The following CTTNBP2 variants were observed in gnomAD, a reference collection of about 807,000 sequenced individuals.
CTTNBP2 encodes the protein cortactin binding protein 2, also known as cortactin-binding protein 2.
Under a neutral mutation model 156.9 loss-of-function variants are expected in CTTNBP2, and 108 were observed. The ratio of observed to expected loss-of-function variants is 0.69; its 90% CI spans 0.59 to 0.81. The LOEUF (loss-of-function observed/expected upper bound fraction) is 0.81. CTTNBP2 is among the 30% of genes least tolerant of loss of function. The probability of loss-of-function intolerance (pLI) is 0.00; values close to 1 mark genes in which losing one functional copy is unlikely to be tolerated. For synonymous variants in CTTNBP2, 767 were observed against 751.8 expected, an observed-to-expected ratio of 1.02 and a Z score of -0.33; for missense variants, 1,924 against 2,035.4, an observed-to-expected ratio of 0.95 and a Z score of 1.05.
In CTTNBP2 at chr7:117,794,875, A is replaced by AGCTT. The variant is rs1563015542; in HGVS notation, c.415-2095_415-2094insAAGC. Among the ~76,000 whole-genome samples, 16 of 124,104 alleles carry AGCTT rather than the reference A, an allele frequency of 1.3e-4. 1 individual carries two copies. The highest frequency in any genetic ancestry group is 4.8e-4 in the African/African-American group (14 of 29,230). 81.4% of individuals were successfully genotyped at this position (124,104 alleles called of 152,430 possible). On this transcript the variant is annotated intron_variant, in intron 3 of 22. Transcript: ENST00000160373. ...TGTCATATACTGTTTTTATATGTATATCTTTTTTTTTTTTTTTTTTTTTTT... is the reference window on the plus strand; with the variant it reads ...TGTCATATACTGTTTTTATATGTATAGCTTTCTTTTTTTTTTTTTTTTTTTTTTT...
intron 2 of CTTNBP2, among the ~76,000 whole-genome samples, chr7:117,849,183 A>G (rs1411292243): frequency 6.6e-6 from 1 of 152,102 alleles, no homozygotes; most frequent in Admixed American, 6.6e-5. Context: ...CAACCCTGAC[A>G]CCTAATCAGC....
chr7:117,759,440 A>T (rs1353729976), intron 10 of CTTNBP2, among the ~76,000 whole-genome samples: 4 of 152,156 alleles, frequency 2.6e-5, no homozygotes, highest in African/African-American at 9.7e-5. Flanking sequence ...GATCATGCCA[A>T]AGATCCATAA....
chr7:117,774,923 T>G (rs1425214670), intron 8 of CTTNBP2, among the ~76,000 whole-genome samples: 1 of 152,202 alleles, frequency 6.6e-6, no homozygotes, highest in Non-Finnish European at 1.5e-5. Context: ...TTTTCAGAAA[T>G]CTGGCCTTAA....
At position 117,792,604 on chromosome 7, in the gene CTTNBP2, T is replaced by C. The variant is rs973015226; in HGVS notation, c.592A>G (p.Lys198Glu). The part of the protein sequence containing the change: ...EAQKLEDVMA[K>E]LEEEKKKTNE... ...GTCTTTTTCTTTTCCTCTTCCAGTT[T>C]GGCCATTACGTCTTCGAGCTTCTGG... Residue 198 changes from lysine (K) to glutamate (E), a missense_variant, in exon 4 of 23, where the codon AAA (lysine) becomes GAA (glutamate). Physicochemically the swap from Lys to Glu is moderately conservative, Grantham distance 56 (BLOSUM62 1). Coordinates refer to ENST00000160373, the MANE Select transcript of CTTNBP2 (RefSeq NM_033427.3). This position sits in a 1 kb window ranked among gnomAD's most constrained non-coding sequence, Gnocchi z 4.2. 10 of 1,614,084 alleles carry C rather than the reference T, an allele frequency of 6.2e-6. No homozygotes were observed. In the African/African-American group the frequency reaches 1.2e-4, roughly 19 times the overall value.
intron 2 of CTTNBP2, among the ~76,000 whole-genome samples, chr7:117,827,737 T>C (rs1368091086): frequency 4.4e-4 from 67 of 152,148 alleles, no homozygotes; most frequent in Admixed American, 4.4e-3. Flanking sequence ...ACACACAAAA[T>C]TTAAAAAGTG....
In CTTNBP2 at chr7:117,792,540, C is replaced by T. The variant is rs765066258; in HGVS notation, c.656G>A (p.Arg219Lys). 6.2e-7 allele frequency: 1 copy of T among 1,614,166 alleles called. No individual in the cohort carries two copies. Among genetic ancestry groups the T allele is most frequent in the South Asian group, 1.1e-5 (1 of 91,084 alleles). Reference sequence around the variant, plus strand: ...CATCTGAGCTTCCATTTCTGTGCTTCTTCGTTTCTCAGCGGAGAGTTCCTC... The same window carrying T: ...CATCTGAGCTTCCATTTCTGTGCTTTTTCGTTTCTCAGCGGAGAGTTCCTC... Reference protein sequence around the residue: ...LEEELSAEKRRSTEMEAQMEK... With the variant: ...LEEELSAEKRKSTEMEAQMEK... The change falls in exon 4 of 23, where the codon AGA becomes AAA. Residue 219 changes from arginine to lysine, a missense_variant. Transcript: ENST00000160373. The surrounding 1 kb of genome is among the most constrained non-coding windows in gnomAD (Gnocchi z 4.2).
intron 2 of CTTNBP2, among the ~76,000 whole-genome samples, chr7:117,860,764 A>C (rs1803673348): frequency 6.6e-6 from 1 of 152,232 alleles, no homozygotes. Flanking sequence ...TTTTTAATGC[A>C]TGAGTTTCTA....
chr7:117,771,388 G>T (rs1257641615), intron 8 of CTTNBP2, among the ~76,000 whole-genome samples: 2 of 152,212 alleles, frequency 1.3e-5, no homozygotes, highest in African/African-American at 4.8e-5. Context: ...TGTAAGTGCT[G>T]CTTTACAGGG....
chr7:117,777,536 T>C lies in CTTNBP2; in HGVS notation c.2753A>G (p.His918Arg), dbSNP rs749100275. 3 of 1,613,406 alleles carry C rather than the reference T, an allele frequency of 1.9e-6. No individual in the cohort carries two copies. Among genetic ancestry groups the C allele is most frequent in the Non-Finnish European group, 2.5e-6 (3 of 1,179,824 alleles). The change falls in exon 8 of 23, where the codon CAC becomes CGC. Residue 918 changes from histidine (H) to arginine (R), a missense_variant. By Grantham distance (29) the His-to-Arg change is conservative (BLOSUM62 0). Coordinates refer to ENST00000160373, the MANE Select transcript of CTTNBP2 (RefSeq NM_033427.3). ...CTTAAAACCTTTGGAAGCAGCAATG[T>C]GGGCAGCAGTCCAGCCTTCTCTGTT... is the stretch of plus-strand genomic sequence containing the variant. ...HANREGWTAA[H>R]IAASKGFKNC... is the part of the protein sequence containing the mutation.
At chr7:117,846,874 T>TA (rs980807393) in intron 2 of CTTNBP2, among the ~76,000 whole-genome samples, 16 of 152,110 alleles carry the variant, frequency 1.1e-4, no homozygotes, top group African/African-American at 3.1e-4. Context: ...TTCTTGTAAC[T>TA]AAAAAAATAT....
rs562176806 is a variant in CTTNBP2, at chr7:117,847,262, G to A, written c.189+13947C>T. ...AGAAATGCAGAAAACTAGGCCGGGT[G>A]TGGTAGCTCACGCCTGTAATCCCAG... On this transcript the variant is annotated intron_variant, in intron 2 of 22. Transcript: ENST00000160373. Among the ~76,000 whole-genome samples, 17 of 152,324 alleles carry A rather than the reference G, an allele frequency of 1.1e-4. No individual in the cohort carries two copies. In the East Asian group the frequency reaches 2.5e-3, roughly 22 times the overall value.
chr7:117,711,823 C>A, intron 22 of CTTNBP2, 41 bp from the exon 23 acceptor site: 1 of 1,581,530 alleles, frequency 6.3e-7, no homozygotes, highest in South Asian at 1.2e-5. Flanking sequence ...TCACAAACTT[C>A]TCCTGTTATG....
At chr7:117,726,419 A>G (rs1329719216) in intron 17 of CTTNBP2, among the ~76,000 whole-genome samples, 1 of 152,216 alleles carries the variant, frequency 6.6e-6, no homozygotes, top group Non-Finnish European at 1.5e-5. Context: ...CTGGTATTCT[A>G]CAGCATGAAT....
At chr7:117,864,724 A>T (rs1177010032) in intron 1 of CTTNBP2, among the ~76,000 whole-genome samples, 3 of 131,770 alleles carry the variant, frequency 2.3e-5, no homozygotes, top group Non-Finnish European at 3.3e-5. Flanking sequence ...ATTCATATAT[A>T]CATATATTCA....
At chr7:117,802,507 G>A (rs1408754236) in intron 3 of CTTNBP2, among the ~76,000 whole-genome samples, 4 of 145,670 alleles carry the variant, frequency 2.7e-5, no homozygotes, top group Admixed American at 6.9e-5. Flanking sequence ...CTAAGACCTC[G>A]AAAGCAATCA....
chr7:117,712,691 C>G (rs893461588), intron 22 of CTTNBP2, among the ~76,000 whole-genome samples: 1 of 152,076 alleles, frequency 6.6e-6, no homozygotes, highest in African/African-American at 2.4e-5. Context: ...CTGGCAGTTG[C>G]GGCAGTTGCA....
chr7:117,782,356 G>T (rs999218022), intron 6 of CTTNBP2, among the ~76,000 whole-genome samples: 2 of 152,056 alleles, frequency 1.3e-5, no homozygotes, highest in African/African-American at 4.8e-5. Flanking sequence ...TTAGCTTAAT[G>T]CCCAAACTAC....
intron 2 of CTTNBP2, among the ~76,000 whole-genome samples, chr7:117,860,146 TTAATAAATA>T (rs1803614511): frequency 6.6e-6 from 1 of 152,094 alleles, no homozygotes; most frequent in Non-Finnish European, 1.5e-5. Flanking sequence ...AAACCCATAC[TTAATAAATA>T]TATCCTTCTT....
At chr7:117,830,007 C>T (rs540663223) in intron 2 of CTTNBP2, among the ~76,000 whole-genome samples, 1 of 152,280 alleles carries the variant, frequency 6.6e-6, no homozygotes, top group Admixed American at 6.5e-5. Flanking sequence ...GCCTGGCATC[C>T]ATAGAAACAA....
Sources: gnomAD v4.1 joint callset for allele counts (sites outside exome capture counted in the v4.1 genomes callset) on GRCh38, gnomAD v4.1.1 for gene constraint, Gnocchi (gnomAD v3.1) non-coding constraint, MANE v1.5 for transcripts, NCBI Gene and HGNC (gene_info 2026-07-23, HGNC 2026-07-21) for gene names.